SEPTIN10: variants seen among roughly 807,000 people sequenced by gnomAD.
SEPTIN10 encodes septin 10.
A neutral mutation model predicts 54.8 loss-of-function variants in SEPTIN10; 66 were observed. The observed-to-expected ratio is 1.21, with a 90% CI of 0.99 to 1.48. The LOEUF is 1.48. SEPTIN10 is among the 40% of genes most tolerant of loss of function. The pLI, the probability that SEPTIN10 is intolerant of heterozygous loss-of-function variation, is 0.00. For synonymous variants in SEPTIN10, 161 were observed against 181.0 expected (o/e 0.89, Z 0.89); for missense variants, 620 against 545.6 (o/e 1.14, Z -1.36).
chr2:109,582,075 G>GACACACACAC (rs55880328), intron 4 of SEPTIN10, among the ~76,000 whole-genome samples: 43 of 143,768 alleles, frequency 3.0e-4, no homozygotes, highest in African/African-American at 9.6e-4. Flanking sequence ...ATGTACAACA[G>GACACACACAC]ACACACACAC....
intron 4 of SEPTIN10, among the ~76,000 whole-genome samples, chr2:109,582,576 CTCCCAGAGT>C (rs1352828452): frequency 6.6e-6 from 1 of 152,180 alleles, no homozygotes; most frequent in Admixed American, 6.5e-5. Context: ...TCTCCTTGAC[CTCCCAGAGT>C]GCTAGGATTA....
At chr2:109,601,760 G>A (rs189114473) in intron 1 of SEPTIN10, among the ~76,000 whole-genome samples, 182 of 145,118 alleles carry the variant, frequency 1.3e-3, no homozygotes, top group African/African-American at 4.6e-3. Context: ...TCTACACCCT[G>A]AAGTTAAAAA....
intron 6 of SEPTIN10, among the ~76,000 whole-genome samples, 196 bp downstream of exon 6, chr2:109,567,619 T>C (rs1687341572): frequency 6.6e-6 from 1 of 152,192 alleles, no homozygotes; most frequent in South Asian, 2.1e-4. Flanking sequence ...AAAAATATGC[T>C]TAAAAATAAA....
At chr2:109,559,013 A>G (rs28520382) in intron 8 of SEPTIN10, among the ~76,000 whole-genome samples, 135,109 of 151,990 alleles carry the variant, frequency 0.89, 60,125 homozygotes, top group Middle Eastern at 0.97. Flanking sequence ...AGCCTCCCAC[A>G]TAGCTGGGCT....
Position 109,567,943 on chromosome 2 carries a change from T to C in SEPTIN10, c.634A>G (p.Thr212Ala). The C allele has an allele frequency of 2.5e-6, 4 of 1,613,282 alleles. No individual in the cohort carries two copies. The highest frequency in any genetic ancestry group is 1.7e-6 in the Non-Finnish European group (2 of 1,179,750). The change falls in exon 6 of 11, where the codon ACG becomes GCG. Residue 212 changes from threonine (T) to alanine (A), a missense_variant. Coordinates refer to ENST00000397712, the MANE Select transcript of SEPTIN10 (RefSeq NM_144710.5). ...NIIPVIAKAD[T>A]VSKTELQKFK... ...TTCTGTAATTCAGTTTTAGAAACCG[T>C]ATCTGCTTTGGCAATCACTGGTATA...
intron 8 of SEPTIN10, among the ~76,000 whole-genome samples, chr2:109,560,365 G>C (rs1685387123): frequency 1.3e-5 from 2 of 152,076 alleles, no homozygotes; most frequent in Admixed American, 6.5e-5. Context: ...GATCCCCTCT[G>C]TCAAGTTCCA....
rs558778968 is a variant in SEPTIN10, at chr2:109,544,845, A to G, written c.1350-521T>C. 1.1e-4 allele frequency: 87 copies of G among 767,072 alleles called. No homozygotes were observed. In the South Asian group the frequency reaches 4.2e-3, roughly 37 times the overall value. The allele number at this position is 767,072 out of a possible 1,614,324, so 47.5% of individuals were successfully genotyped here. A position where few individuals can be genotyped will look rare whatever the true frequency, so the allele number is the denominator to read the frequency against. On this transcript the variant is annotated intron_variant, in intron 10 of 10. Transcript: ENST00000397712. ...ACTGCTCTAGGCTCTGGGGATGGCT[A>G]TATCAATGAACAAGATAAAGATCCA... is the stretch of plus-strand genomic sequence containing the variant.
In SEPTIN10 at chr2:109,557,144, C is replaced by T. The variant is rs201303725; in HGVS notation, c.1029-3925G>A. On this transcript the variant is annotated intron_variant, in intron 8 of 10. Coordinates refer to ENST00000397712, the MANE Select transcript of SEPTIN10 (RefSeq NM_144710.5). ...ATGTAACAAACCAGCACGTTGTGCA[C>T]ATGTACCCTAGAACTTAAAGTATAA... 1.8e-4 allele frequency among the ~76,000 whole-genome samples: 27 copies of T among 151,772 alleles called. No individual in the cohort carries two copies. The East Asian group carries it at 5.2e-3, about 29-fold the overall frequency.
At chr2:109,613,019 A>G (rs1558929652) in intron 1 of SEPTIN10, 2 of 509,720 alleles carry the variant, frequency 3.9e-6, no homozygotes, top group Non-Finnish European at 3.6e-6. Flanking sequence ...GATGAAAACC[A>G]CCAATGTTTA....
chr2:109,562,399 T>A (rs970943349), intron 8 of SEPTIN10, among the ~76,000 whole-genome samples: 1 of 150,178 alleles, frequency 6.7e-6, no homozygotes, highest in Non-Finnish European at 1.5e-5. Flanking sequence ...CTTCTTCACA[T>A]AGGGGTCCTC....
intron 1 of SEPTIN10, among the ~76,000 whole-genome samples, chr2:109,609,210 TGCAA>T (rs944630806): frequency 1.3e-5 from 2 of 152,028 alleles, no homozygotes; most frequent in African/African-American, 2.4e-5. Context: ...CCTGGCTGCC[TGCAA>T]GCATTTATAA....
At chr2:109,583,106 C>T (rs1253900044) in intron 4 of SEPTIN10, among the ~76,000 whole-genome samples, 1 of 152,186 alleles carries the variant, frequency 6.6e-6, no homozygotes. Flanking sequence ...CCATGCTGCA[C>T]ATTGGCCTTG....
At chr2:109,553,483 G>T (rs977811711) in intron 8 of SEPTIN10, among the ~76,000 whole-genome samples, 3 of 151,290 alleles carry the variant, frequency 2.0e-5, no homozygotes, top group African/African-American at 7.3e-5. Context: ...GGCAGAGATT[G>T]CAGTGAGCTG....
chr2:109,590,046 ATATGTGTG>A (rs1193838762), intron 2 of SEPTIN10, among the ~76,000 whole-genome samples: 1 of 147,678 alleles, frequency 6.8e-6, no homozygotes, highest in Non-Finnish European at 1.5e-5. Context: ...ACACACATAT[ATATGTGTG>A]TGTATATATA....
intron 1 of SEPTIN10, chr2:109,613,352 G>A (rs1040257251): frequency 2.8e-6 from 1 of 359,422 alleles, no homozygotes; most frequent in Non-Finnish European, 5.2e-6. Context: ...CGGATAAAAC[G>A]GGAGAGCTTT....
At position 109,585,339 on chromosome 2, in the gene SEPTIN10, A is replaced by C. The variant is rs1278256137; in HGVS notation, c.218-18T>G. On this transcript the variant is annotated intron_variant, in intron 3 of 10. Coordinates refer to ENST00000397712, the MANE Select transcript of SEPTIN10 (RefSeq NM_144710.5). Reference sequence around the variant, plus strand: ...AGTTTCCCCTGAAACACACAAAGGTACATCTTTATGGTTGCATGAATGGCT... The same window carrying C: ...AGTTTCCCCTGAAACACACAAAGGTCCATCTTTATGGTTGCATGAATGGCT... 2 of 1,575,724 alleles carry C rather than the reference A, an allele frequency of 1.3e-6. No homozygotes were observed. Among genetic ancestry groups the C allele is most frequent in the Non-Finnish European group, 1.7e-6 (2 of 1,158,420 alleles).
intron 4 of SEPTIN10, among the ~76,000 whole-genome samples, chr2:109,583,604 GA>G (rs1286471903): frequency 6.6e-6 from 1 of 152,118 alleles, no homozygotes; most frequent in African/African-American, 2.4e-5. Context: ...ACTTAAACCA[GA>G]ACTACCATTC....
chr2:109,554,208 G>C (rs1450140838), intron 8 of SEPTIN10, among the ~76,000 whole-genome samples: 1 of 152,114 alleles, frequency 6.6e-6, no homozygotes, highest in African/African-American at 2.4e-5. Context: ...GGTGAAATCA[G>C]GGAATAGATG....
Position 109,567,944 on chromosome 2 carries a change from A to G in SEPTIN10, c.633T>C (p.Asp211=). The G allele has an allele frequency of 2.5e-6, 4 of 1,613,254 alleles. No individual in the cohort carries two copies. Among genetic ancestry groups the G allele is most frequent in the Non-Finnish European group, 3.4e-6 (4 of 1,179,772 alleles). The change falls in exon 6 of 11, where the codon GAT becomes GAC. Residue 211 remains aspartate, a synonymous_variant. Coordinates refer to ENST00000397712, the MANE Select transcript of SEPTIN10 (RefSeq NM_144710.5). ...VNIIPVIAKA[D]TVSKTELQKF... The stretch of plus-strand genomic sequence containing the variant: ...TCTGTAATTCAGTTTTAGAAACCGT[A>G]TCTGCTTTGGCAATCACTGGTATAA...
Sources: allele counts gnomAD v4.1 joint callset (sites outside exome capture counted in the v4.1 genomes callset), GRCh38; gene constraint gnomAD v4.1.1; transcripts MANE v1.5; gene names NCBI Gene and HGNC (gene_info 2026-07-23, HGNC 2026-07-21).